Variants in ZNF292 observed in about 807,000 individuals in gnomAD.
ZNF292 encodes zinc finger protein 292, also known as 16 zinc-finger domain protein.
Under a neutral mutation model 217.9 loss-of-function variants are expected in ZNF292, and 26 were observed. That is an observed-to-expected ratio of 0.12 (90% confidence interval 0.09 to 0.17). ZNF292 has a LOEUF of 0.17. Ranked by LOEUF, ZNF292 falls within the 10% of genes least tolerant of loss-of-function variation. ZNF292 has a pLI of 1.00. For missense variants in ZNF292, 2,904 were observed against 3,175.2 expected (o/e 0.91, Z 2.05); for synonymous variants, 1,257 against 1,124.1 (o/e 1.12, Z -2.37).
At chr6:87,164,114 G>A (rs573093853) in intron 1 of ZNF292, among the ~76,000 whole-genome samples, 5 of 152,152 alleles carry the variant, frequency 3.3e-5, no homozygotes, top group African/African-American at 4.8e-5. Context: ...TAAAAGAACA[G>A]CCATTTTTAT....
intron 1 of ZNF292, among the ~76,000 whole-genome samples, chr6:87,191,735 C>T (rs540262212): frequency 2.6e-5 from 4 of 152,288 alleles, no homozygotes; most frequent in East Asian, 1.9e-4. Context: ...GGTGCAAGCT[C>T]GACTCACTGC....
chr6:87,193,566 AAC>A (rs1387754584), intron 1 of ZNF292, among the ~76,000 whole-genome samples: 1 of 151,914 alleles, frequency 6.6e-6, no homozygotes, highest in East Asian at 1.9e-4. Context: ...ATGCAGGCGC[AAC>A]ACAGTTTATT....
chr6:87,217,401 G>A (rs1466131579), intron 3 of ZNF292, among the ~76,000 whole-genome samples: 1 of 152,004 alleles, frequency 6.6e-6, no homozygotes, highest in East Asian at 1.9e-4. Flanking sequence ...GTCTTGTCCT[G>A]TTTGTCACAT....
chr6:87,155,763 AG>A lies in ZNF292; in HGVS notation c.168+7del. 1 of 1,589,002 alleles carries A rather than the reference AG, an allele frequency of 6.3e-7. No individual in the cohort carries two copies. The highest frequency in any genetic ancestry group is 1.1e-5 in the South Asian group (1 of 88,066). ...CTACTGTCAGCAGCTGTGCCAGGTGAGGGCGCCCGGTGGTCCCCTCCCCCTT... is the reference window on the plus strand; with the variant it reads ...CTACTGTCAGCAGCTGTGCCAGGTGAGGCGCCCGGTGGTCCCCTCCCCCTT... On this transcript the variant is annotated splice_donor_5th_base_variant and intron_variant, in intron 1 of 7. Coordinates refer to ENST00000369577, the MANE Select transcript of ZNF292 (RefSeq NM_015021.3).
chr6:87,167,773 C>T (rs1770963923), intron 1 of ZNF292, among the ~76,000 whole-genome samples: 1 of 152,210 alleles, frequency 6.6e-6, no homozygotes, highest in African/African-American at 2.4e-5. Context: ...TTTTACTGCT[C>T]TTTATGTGGT....
At chr6:87,190,317 T>C (rs1771787869) in intron 1 of ZNF292, among the ~76,000 whole-genome samples, 1 of 152,220 alleles carries the variant, frequency 6.6e-6, no homozygotes, top group South Asian at 2.1e-4. Flanking sequence ...ATGAACATTG[T>C]CTTAGAAGTG....
intron 1 of ZNF292, among the ~76,000 whole-genome samples, chr6:87,161,777 T>A (rs1770762342): frequency 6.6e-6 from 1 of 152,228 alleles, no homozygotes; most frequent in South Asian, 2.1e-4. Flanking sequence ...CTAATTGAAA[T>A]GGTTTTTTAA....
intron 1 of ZNF292, among the ~76,000 whole-genome samples, chr6:87,190,588 C>T (rs1771795432): frequency 2.0e-5 from 3 of 152,272 alleles, no homozygotes; most frequent in South Asian, 2.1e-4. Flanking sequence ...ATTCTCCTGC[C>T]TCAGCCTCTT....
chr6:87,169,150 C>T (rs998826936), intron 1 of ZNF292, among the ~76,000 whole-genome samples: 3 of 152,106 alleles, frequency 2.0e-5, no homozygotes, highest in Non-Finnish European at 2.9e-5. Flanking sequence ...TCAAGCGATT[C>T]TTGTGACTCA....
chr6:87,237,946 A>C (rs966382134), intron 5 of ZNF292, among the ~76,000 whole-genome samples: 1 of 152,036 alleles, frequency 6.6e-6, no homozygotes, highest in African/African-American at 2.4e-5. Flanking sequence ...TTAATTAGTA[A>C]TTTACTACTT....
chr6:87,261,154 A>C lies in ZNF292; in HGVS notation c.7525A>C (p.Asn2509His). The change falls in exon 8 of 8, where the codon AAT (asparagine) becomes CAT (histidine). Residue 2509 changes from asparagine (N) to histidine (H), a missense_variant. Physicochemically the swap from Asn to His is moderately conservative, Grantham distance 68. Around this residue, in one of 15 missense-constraint regions of ZNF292, gnomAD observed 380 missense variants for 355.3 expected, o/e 1.07. Coordinates refer to ENST00000369577, the MANE Select transcript of ZNF292 (RefSeq NM_015021.3). ...SVETQANTSS[N>H]VSNDFQEDNL... Reference sequence around the variant, plus strand: ...AGAGACCCAAGCTAATACTTCTTCAAATGTAAGTAATGATTTTCAGGAAGA... The same window carrying C: ...AGAGACCCAAGCTAATACTTCTTCACATGTAAGTAATGATTTTCAGGAAGA... 6.2e-7 allele frequency: 1 copy of C among 1,613,150 alleles called. No individual in the cohort carries two copies. The highest frequency in any genetic ancestry group is 1.7e-5 in the Admixed American group (1 of 59,864).
intron 1 of ZNF292, among the ~76,000 whole-genome samples, chr6:87,176,274 G>C (rs1395433230): frequency 6.6e-6 from 1 of 152,210 alleles, no homozygotes; most frequent in African/African-American, 2.4e-5. Flanking sequence ...TCAGTGCTTG[G>C]ATTTGATGAA....
chr6:87,198,688 G>A (rs1399755360), intron 1 of ZNF292, among the ~76,000 whole-genome samples: 1 of 152,202 alleles, frequency 6.6e-6, no homozygotes, highest in Non-Finnish European at 1.5e-5. Flanking sequence ...TGAGCCAGAT[G>A]TGAATCAGAA....
At position 87,257,510 on chromosome 6, in the gene ZNF292, C is replaced by G; in HGVS notation, c.3881C>G (p.Thr1294Arg). The G allele has an allele frequency of 6.2e-7, 1 of 1,610,188 alleles. No homozygotes were observed. Among genetic ancestry groups the G allele is most frequent in the Non-Finnish European group, 8.5e-7 (1 of 1,178,088 alleles). ...GTTTTTTCCCAACTGGAAAATAATA[C>G]AAATCATTATTCCTCACAGATTGAA... ...NSVFSQLENNTNHYSSQIEGN... is the reference protein window; with the variant it reads ...NSVFSQLENNRNHYSSQIEGN... The change falls in exon 8 of 8, where the codon ACA becomes AGA. Residue 1294 changes from threonine to arginine, a missense_variant. By Grantham distance (71) the Thr-to-Arg change is moderately conservative (BLOSUM62 -1). Transcript: ENST00000369577.
intron 6 of ZNF292, among the ~76,000 whole-genome samples, chr6:87,245,222 A>G (rs752302771): frequency 6.6e-6 from 1 of 152,212 alleles, no homozygotes; most frequent in Admixed American, 6.5e-5. Context: ...CCTGGGTGAC[A>G]GTGAGACTGT....
chr6:87,182,575 G>A (rs946125261), intron 1 of ZNF292, among the ~76,000 whole-genome samples: 1 of 152,036 alleles, frequency 6.6e-6, no homozygotes, highest in Non-Finnish European at 1.5e-5. Flanking sequence ...ACTAATAGAT[G>A]GTTCATTTGT....
chr6:87,190,515 C>A (rs921824224), intron 1 of ZNF292, among the ~76,000 whole-genome samples: 1 of 151,832 alleles, frequency 6.6e-6, no homozygotes, highest in Admixed American at 6.6e-5. Context: ...GCTCTGTCGC[C>A]CAGGCTGGAG....
intron 1 of ZNF292, among the ~76,000 whole-genome samples, chr6:87,189,862 T>C (rs1015064378): frequency 6.6e-6 from 1 of 152,242 alleles, no homozygotes; most frequent in Non-Finnish European, 1.5e-5. Flanking sequence ...TTAGGCTGTT[T>C]CCTTGAGGGC....
At chr6:87,210,655 C>T (rs535249639) in intron 1 of ZNF292, among the ~76,000 whole-genome samples, 1 of 152,246 alleles carries the variant, frequency 6.6e-6, no homozygotes, top group Admixed American at 6.5e-5. Context: ...TGGCGGGCGT[C>T]TGTAGTCCCA....
Sources: gnomAD v4.1 joint callset for allele counts (sites outside exome capture counted in the v4.1 genomes callset) on GRCh38, gnomAD v4.1.1 for gene constraint, gnomAD v4.1.1 regional missense constraint, MANE v1.5 for transcripts, NCBI Gene and HGNC (gene_info 2026-07-23, HGNC 2026-07-21) for gene names.